Variants in SPAG16 observed in about 807,000 individuals in gnomAD.
The protein encoded by SPAG16 is sperm-associated antigen 16 protein.
In SPAG16, 86 loss-of-function variants were observed where a neutral mutation model predicts 80.4. The observed-to-expected ratio is 1.07, with a 90% CI of 0.90 to 1.28. The LOEUF (loss-of-function observed/expected upper bound fraction) is 1.28, where lower values mean the gene tolerates loss of function less well. Among genes scored for constraint, SPAG16 ranks in the 50% most tolerant of loss-of-function variants. The pLI is 0.00. For synonymous variants in SPAG16, 294 were observed against 265.9 expected, an observed-to-expected ratio of 1.11 and a Z score of -1.03; for missense variants, 870 against 765.3, an observed-to-expected ratio of 1.14 and a Z score of -1.61.
At chr2:214,328,921 T>A (rs1025669236) in intron 15 of SPAG16, among the ~76,000 whole-genome samples, 2 of 152,164 alleles carry the variant, frequency 1.3e-5, no homozygotes, top group Admixed American at 1.3e-4. Flanking sequence ...GTGGTTTTTT[T>A]AAAGCTTGGA....
intron 12 of SPAG16, among the ~76,000 whole-genome samples, chr2:213,943,511 C>T (rs879747140): frequency 2.0e-5 from 3 of 152,128 alleles, no homozygotes; most frequent in Admixed American, 6.5e-5. Context: ...AGAAAAGGCA[C>T]TCCTTGTTAT....
At chr2:214,074,551 A>C (rs1195828884) in intron 13 of SPAG16, among the ~76,000 whole-genome samples, 11 of 152,174 alleles carry the variant, frequency 7.2e-5, no homozygotes, top group Admixed American at 7.2e-4. Flanking sequence ...ACTGAAAGAG[A>C]AGATAGAAAC....
At chr2:214,370,219 A>T (rs1699723717) in intron 15 of SPAG16, among the ~76,000 whole-genome samples, 1 of 152,098 alleles carries the variant, frequency 6.6e-6, no homozygotes, top group African/African-American at 2.4e-5. Flanking sequence ...CTCCATATTA[A>T]ACTGACATTA....
intron 9 of SPAG16, among the ~76,000 whole-genome samples, chr2:213,432,397 A>C (rs1273313320): frequency 7.2e-5 from 11 of 152,188 alleles, no homozygotes; most frequent in African/African-American, 2.7e-4. Context: ...ATCAGAAATG[A>C]AAACGAAGAC....
chr2:213,739,697 G>A lies in SPAG16; in HGVS notation c.1071-122788G>A, dbSNP rs559581430. 2.5e-4 allele frequency among the ~76,000 whole-genome samples: 38 copies of A among 152,236 alleles called. No individual in the cohort carries two copies. The South Asian group carries it at 3.1e-3, about 12-fold the overall frequency. Reference sequence around the variant, plus strand: ...GCTCACTGCAACCTCTCCCTCCCAGGTTCAAGTGATTCTCCTGCCTCAGCC... The same window carrying A: ...GCTCACTGCAACCTCTCCCTCCCAGATTCAAGTGATTCTCCTGCCTCAGCC... On this transcript the variant is annotated intron_variant, in intron 10 of 15. Transcript: ENST00000331683.
chr2:213,942,354 C>A (rs562560253), intron 12 of SPAG16, among the ~76,000 whole-genome samples: 1 of 152,180 alleles, frequency 6.6e-6, no homozygotes, highest in Non-Finnish European at 1.5e-5. Context: ...GTATTTCACA[C>A]CTTCCTCCTC....
intron 10 of SPAG16, among the ~76,000 whole-genome samples, chr2:213,834,739 T>C (rs946950054): frequency 1.3e-5 from 2 of 152,308 alleles, no homozygotes; most frequent in African/African-American, 2.4e-5. Flanking sequence ...CAATATCATG[T>C]ACCGTACTTT....
chr2:214,250,533 A>G (rs1296946087), intron 15 of SPAG16, among the ~76,000 whole-genome samples: 1 of 150,290 alleles, frequency 6.7e-6, no homozygotes, highest in Non-Finnish European at 1.5e-5. Context: ...AACAAGTTAA[A>G]AGCTTTCTAA....
At chr2:213,392,771 G>A (rs1038885559) in intron 9 of SPAG16, among the ~76,000 whole-genome samples, 2 of 151,780 alleles carry the variant, frequency 1.3e-5, no homozygotes, top group Non-Finnish European at 2.9e-5. Flanking sequence ...GCTTGAACCC[G>A]GGAGGCAGAG....
intron 13 of SPAG16, among the ~76,000 whole-genome samples, chr2:214,027,848 G>A (rs895050990): frequency 2.6e-5 from 4 of 151,778 alleles, no homozygotes; most frequent in Non-Finnish European, 4.4e-5. Flanking sequence ...TGGTTTATTT[G>A]TTTTGACATT....
intron 10 of SPAG16, among the ~76,000 whole-genome samples, chr2:213,532,981 G>T (rs71426339): frequency 1.7e-3 from 251 of 151,992 alleles, no homozygotes; most frequent in South Asian, 4.8e-3. Context: ...ATTATCAAAG[G>T]AATACAGCCA....
At chr2:214,086,789 C>T (rs1271528775) in intron 13 of SPAG16, among the ~76,000 whole-genome samples, 1 of 152,128 alleles carries the variant, frequency 6.6e-6, no homozygotes, top group South Asian at 2.1e-4. Flanking sequence ...TAAAAACAAG[C>T]AAATTGGATC....
rs1286387155 is a variant in SPAG16 at position 213,578,409 on chromosome 2, T to TA, written c.1070+88320dup. 3.3e-5 allele frequency among the ~76,000 whole-genome samples: 5 copies of TA among 152,302 alleles called. No homozygotes were observed. The South Asian group carries it at 6.2e-4, about 19-fold the overall frequency. On this transcript the variant is annotated intron_variant, in intron 10 of 15. Coordinates refer to ENST00000331683, the MANE Select transcript of SPAG16 (RefSeq NM_024532.5). Reference sequence around the variant, plus strand: ...TGCTAAGGTGTGTATTCTTTGAAATTATATTGGTTGTACAAAAAATAAACT... The same window carrying TA: ...TGCTAAGGTGTGTATTCTTTGAAATTAATATTGGTTGTACAAAAAATAAACT...
chr2:214,253,216 T>A (rs1302037560), intron 15 of SPAG16, among the ~76,000 whole-genome samples: 1 of 150,262 alleles, frequency 6.7e-6, no homozygotes, highest in East Asian at 2.1e-4. Context: ...CTTTGTCCAA[T>A]GGGTAGATTG....
chr2:213,887,683 G>A (rs1012361349), intron 11 of SPAG16, among the ~76,000 whole-genome samples: 1 of 151,206 alleles, frequency 6.6e-6, no homozygotes, highest in African/African-American at 2.4e-5. Context: ...TATAGAGTAT[G>A]ACTAATTTTA....
At chr2:214,219,483 G>A (rs1237454030) in intron 15 of SPAG16, among the ~76,000 whole-genome samples, 1 of 151,934 alleles carries the variant, frequency 6.6e-6, no homozygotes, top group Non-Finnish European at 1.5e-5. Context: ...GAATTTAAAA[G>A]GCTTGAAATA....
At chr2:213,965,852 T>C (rs946908699) in intron 12 of SPAG16, among the ~76,000 whole-genome samples, 3 of 152,216 alleles carry the variant, frequency 2.0e-5, no homozygotes, top group East Asian at 1.9e-4. Context: ...AGCTTCCACT[T>C]ATCTTGGAAT....
intron 10 of SPAG16, among the ~76,000 whole-genome samples, chr2:213,775,758 TAAGTAG>T (rs2069537651): frequency 6.6e-6 from 1 of 152,252 alleles, no homozygotes; most frequent in South Asian, 2.1e-4. Flanking sequence ...TACATCTTTA[TAAGTAG>T]AAGTCACTGA....
At chr2:214,129,665 C>G (rs2054664221) in intron 14 of SPAG16, among the ~76,000 whole-genome samples, 1 of 152,012 alleles carries the variant, frequency 6.6e-6, no homozygotes, top group Non-Finnish European at 1.5e-5. Flanking sequence ...CTGCTTGGAC[C>G]ATGAATTTCA....
Sources: gnomAD v4.1 joint callset for allele counts (sites outside exome capture counted in the v4.1 genomes callset) on GRCh38, gnomAD v4.1.1 for gene constraint, MANE v1.5 for transcripts, NCBI Gene and HGNC (gene_info 2026-07-23, HGNC 2026-07-21) for gene names.